KLF12: variants seen among roughly 807,000 people sequenced by gnomAD.
KLF12 encodes the protein Krueppel-like factor 12.
In KLF12, 9 loss-of-function variants were observed where a neutral mutation model predicts 37.8. The ratio of observed to expected loss-of-function variants is 0.24; its 90% CI spans 0.14 to 0.42. The LOEUF (loss-of-function observed/expected upper bound fraction) is 0.42. Ranked by LOEUF, KLF12 falls within the 10% of genes least tolerant of loss-of-function variation. KLF12 has a pLI of 1.00. For missense variants in KLF12, 411 were observed against 516.0 expected, an observed-to-expected ratio of 0.80 and a Z score of 1.97; for synonymous variants, 208 against 202.1, an observed-to-expected ratio of 1.03 and a Z score of -0.25.
the KLF12 span, among the ~76,000 whole-genome samples, chr13:74,302,804 G>C: frequency 6.6e-6 from 1 of 152,120 alleles, no homozygotes; most frequent in Non-Finnish European, 1.5e-5. Flanking sequence ...CCTTCTAAAA[G>C]GAGAGGGGAA....
chr13:74,275,826 CT>C, the KLF12 span, among the ~76,000 whole-genome samples: 87 of 108,240 alleles, frequency 8.0e-4, no homozygotes, highest in South Asian at 1.9e-3. Context: ...TTCTTTCTTT[CT>C]TTCTTTCTTT....
At chr13:73,713,048 A>G (rs1411716110) in intron 7 of KLF12, among the ~76,000 whole-genome samples, 1 of 152,182 alleles carries the variant, frequency 6.6e-6, no homozygotes. Context: ...TGTTCCCTCA[A>G]TTTGTGGTAT....
chr13:74,263,757 T>C, the KLF12 span, among the ~76,000 whole-genome samples: 1 of 152,046 alleles, frequency 6.6e-6, no homozygotes, highest in African/African-American at 2.4e-5. Flanking sequence ...AAAAATAAAT[T>C]CTCTCTGTCT....
chr13:74,296,324 G>T, the KLF12 span, among the ~76,000 whole-genome samples: 1 of 152,032 alleles, frequency 6.6e-6, no homozygotes, highest in Non-Finnish European at 1.5e-5. Context: ...GTGGGGATTT[G>T]AACCTATGTT....
the KLF12 span, among the ~76,000 whole-genome samples, chr13:74,165,448 G>A: frequency 6.6e-6 from 1 of 151,878 alleles, no homozygotes; most frequent in African/African-American, 2.4e-5. Flanking sequence ...ACAGGTGCCT[G>A]CCACCATGCC....
At chr13:74,141,309 A>G in the KLF12 span, among the ~76,000 whole-genome samples, 609 of 152,350 alleles carry the variant, frequency 4.0e-3, 6 homozygotes, top group African/African-American at 0.014. Context: ...AGAGTCATCA[A>G]ATAGGTAATT....
At chr13:73,824,770 T>A (rs926025663) in intron 4 of KLF12, among the ~76,000 whole-genome samples, 3 of 152,104 alleles carry the variant, frequency 2.0e-5, no homozygotes, top group African/African-American at 7.2e-5. Flanking sequence ...ATTAGAAATA[T>A]AGATTTCTAA....
At chr13:74,297,040 G>T in the KLF12 span, among the ~76,000 whole-genome samples, 1,424 of 146,344 alleles carry the variant, frequency 9.7e-3, 22 homozygotes, top group African/African-American at 0.033. Context: ...TCTCATGGGG[G>T]GGACTCTTGG....
chr13:73,788,063 TTATAA>T (rs1181871408), intron 5 of KLF12, among the ~76,000 whole-genome samples: 4 of 152,196 alleles, frequency 2.6e-5, no homozygotes, highest in East Asian at 1.9e-4. Flanking sequence ...CAGGGTTCTC[TTATAA>T]TATAAAGTCT....
intron 3 of KLF12, among the ~76,000 whole-genome samples, chr13:73,879,142 G>C (rs1886859959): frequency 6.6e-6 from 1 of 152,170 alleles, no homozygotes; most frequent in Non-Finnish European, 1.5e-5. Context: ...GACAGACCTA[G>C]AGACTCTTCA....
At chr13:74,057,124 T>C (rs1040506520) in intron 1 of KLF12, among the ~76,000 whole-genome samples, 9 of 152,348 alleles carry the variant, frequency 5.9e-5, no homozygotes, top group African/African-American at 2.2e-4. Context: ...AAACATGGTC[T>C]AATATTCGAT....
the KLF12 span, among the ~76,000 whole-genome samples, chr13:74,267,315 C>T: frequency 6.6e-6 from 1 of 152,052 alleles, no homozygotes; most frequent in African/African-American, 2.4e-5. Context: ...TTATAAGAGA[C>T]AGAACAATAG....
At chr13:74,285,602 C>A in the KLF12 span, among the ~76,000 whole-genome samples, 1 of 152,124 alleles carries the variant, frequency 6.6e-6, no homozygotes. Flanking sequence ...TCCCTATACT[C>A]CCTGTGATTT....
the KLF12 span, among the ~76,000 whole-genome samples, chr13:74,179,124 C>A: frequency 1.3e-5 from 2 of 152,292 alleles, no homozygotes; most frequent in East Asian, 3.9e-4. Context: ...GAGCCTGGAC[C>A]ATCAGACCTA....
At chr13:74,060,745 T>C (rs1300834975) in intron 1 of KLF12, among the ~76,000 whole-genome samples, 1 of 152,142 alleles carries the variant, frequency 6.6e-6, no homozygotes, top group Admixed American at 6.5e-5. Flanking sequence ...CTTTTCCAAT[T>C]TGGATGTCTT....
chr13:74,091,785 C>G (rs989627323), intron 1 of KLF12, among the ~76,000 whole-genome samples: 1 of 151,972 alleles, frequency 6.6e-6, no homozygotes, highest in Non-Finnish European at 1.5e-5. Flanking sequence ...AAAGCCAACA[C>G]CAAGAGTGAA....
chr13:73,929,674 C>T (rs767944662), intron 3 of KLF12, among the ~76,000 whole-genome samples: 4 of 152,176 alleles, frequency 2.6e-5, no homozygotes, highest in Non-Finnish European at 4.4e-5. Flanking sequence ...ACTAGGTCTG[C>T]TCCAGTAAAA....
chr13:74,167,084 C>A, the KLF12 span, among the ~76,000 whole-genome samples: 1 of 152,358 alleles, frequency 6.6e-6, no homozygotes, highest in African/African-American at 2.4e-5. Context: ...TGAACTCTTT[C>A]ATTCTAATAA....
chr13:73,982,659 C>T (rs1891716994), intron 2 of KLF12, among the ~76,000 whole-genome samples: 1 of 152,190 alleles, frequency 6.6e-6, no homozygotes, highest in Non-Finnish European at 1.5e-5. Context: ...AAACACTCTT[C>T]ATATTTGTTA....
Sources: gnomAD v4.1 joint callset for allele counts (sites outside exome capture counted in the v4.1 genomes callset) on GRCh38, gnomAD v4.1.1 for gene constraint, MANE v1.5 for transcripts, NCBI Gene and HGNC (gene_info 2026-07-23, HGNC 2026-07-21) for gene names.